GTF3C6: variants seen among roughly 807,000 people sequenced by gnomAD.
GTF3C6 encodes general transcription factor IIIC subunit 6, also known as general transcription factor 3C polypeptide 6.
GTF3C6 carries 11 observed loss-of-function variants against 19.2 expected under a neutral mutation model. The observed-to-expected ratio is 0.57, with a 90% CI of 0.36 to 0.95. The LOEUF (loss-of-function observed/expected upper bound fraction) is 0.95. Ranked by LOEUF, GTF3C6 falls within the 40% of genes least tolerant of loss-of-function variation. The pLI is 0.01. For missense variants in GTF3C6, 222 were observed against 254.7 expected, an observed-to-expected ratio of 0.87 and a Z score of 0.87; for synonymous variants, 87 against 84.2, an observed-to-expected ratio of 1.03 and a Z score of -0.18.
intron 2 of GTF3C6, among the ~76,000 whole-genome samples, 190 bp from the exon 3 acceptor site, chr6:110,960,224 G>A (rs1225816803): frequency 1.3e-5 from 2 of 152,176 alleles, no homozygotes; most frequent in Admixed American, 6.6e-5. Context: ...TGTTACTTGA[G>A]TATGAATTAA....
chr6:110,967,595 CGAA>C lies in GTF3C6; in HGVS notation c.452_454del (p.Glu151del), dbSNP rs771565146. On this transcript the variant is annotated inframe_deletion, in exon 6 of 6. Coordinates refer to ENST00000329970, the MANE Select transcript of GTF3C6 (RefSeq NM_138408.4). ...GTAACTTTCTACATGAAAATGAAGA[CGAA>C]GAAGTGGTAGCTTCAGCCCCAGATA... 7.4e-6 allele frequency: 12 copies of C among 1,613,822 alleles called. No homozygotes were observed. The East Asian group carries it at 2.2e-4, about 30-fold the overall frequency.
chr6:110,965,155 T>C (rs1315947108), intron 5 of GTF3C6, among the ~76,000 whole-genome samples: 1 of 128,962 alleles, frequency 7.8e-6, no homozygotes, highest in Admixed American at 7.6e-5. Context: ...TTTTTTTTTT[T>C]AAATAGAGAC....
intron 1 of GTF3C6, 116 bp from the exon 2 acceptor site, chr6:110,959,056 C>A: frequency 1.1e-6 from 1 of 889,984 alleles, no homozygotes; most frequent in Non-Finnish European, 1.9e-6. Context: ...GCGTAGTTTC[C>A]TCTTGCTGAA....
chr6:110,959,344 T>C, intron 2 of GTF3C6, 92 bp downstream of exon 2: 1 of 775,562 alleles, frequency 1.3e-6, no homozygotes, highest in South Asian at 1.5e-5. Flanking sequence ...AGTATTGATA[T>C]ATTTATTTCA....
intron 5 of GTF3C6, among the ~76,000 whole-genome samples, chr6:110,962,991 A>C (rs1771184175): frequency 6.6e-6 from 1 of 151,978 alleles, no homozygotes; most frequent in Non-Finnish European, 1.5e-5. Flanking sequence ...GTTGGCCAGG[A>C]TGCTCTCAAT....
intron 5 of GTF3C6, among the ~76,000 whole-genome samples, chr6:110,966,574 A>G (rs965446154): frequency 6.6e-6 from 1 of 152,196 alleles, no homozygotes; most frequent in Non-Finnish European, 1.5e-5. Flanking sequence ...GGTGAAGATC[A>G]TTGGGGACCA....
chr6:110,958,749 A>T lies in GTF3C6; in HGVS notation c.-21A>T. On this transcript the variant is annotated 5_prime_UTR_variant, in exon 1 of 6. Transcript: ENST00000329970. ...CCGGGCGGGCGTGGCCAGTGACTAG[A>T]AGGCGAGGCGCCGCGGGACCATGGC... 2 of 1,550,522 alleles carry T rather than the reference A, an allele frequency of 1.3e-6. No homozygotes were observed. The highest frequency in any genetic ancestry group is 1.7e-6 in the Non-Finnish European group (2 of 1,146,882).
chr6:110,962,937 G>A (rs1421716372), intron 5 of GTF3C6, among the ~76,000 whole-genome samples: 2 of 152,062 alleles, frequency 1.3e-5, no homozygotes, highest in Non-Finnish European at 2.9e-5. Context: ...CACCACCAGG[G>A]CCAGCTAATT....
chr6:110,962,904 G>A (rs1351446042), intron 5 of GTF3C6, among the ~76,000 whole-genome samples: 1 of 152,130 alleles, frequency 6.6e-6, no homozygotes, highest in Non-Finnish European at 1.5e-5. Context: ...TCAGCCTCCG[G>A]AGTAGCTGGG....
At chr6:110,960,375 A>G (rs753203798) in intron 2 of GTF3C6, 39 bp from the exon 3 acceptor site, 29 of 1,530,604 alleles carry the variant, frequency 1.9e-5, no homozygotes, top group Middle Eastern at 1.7e-4. Flanking sequence ...GCCTTTTTCT[A>G]ATTATGTTTT....
At chr6:110,964,161 G>GC (rs1270840565) in intron 5 of GTF3C6, among the ~76,000 whole-genome samples, 1 of 151,858 alleles carries the variant, frequency 6.6e-6, no homozygotes, top group African/African-American at 2.4e-5. Flanking sequence ...TGTGACCTCT[G>GC]CCCCCCATCC....
Position 110,967,640 on chromosome 6 carries a change from A to G in GTF3C6, c.492A>G (p.Glu164=), listed in dbSNP as rs538743742. Residue 164 remains glutamate (E), a synonymous_variant, in exon 6 of 6, where the codon GAA becomes GAG. Transcript: ENST00000329970. The part of the protein sequence containing the change: ...ASAPDKSLEL[E]EEEIQMNDSS... The stretch of plus-strand genomic sequence containing the variant: ...CCCCAGATAAATCTTTGGAATTGGA[A>G]GAGGAAGAGATTCAAATGAACGACA... 9.9e-6 allele frequency: 16 copies of G among 1,614,142 alleles called. No individual in the cohort carries two copies. In the East Asian group the frequency reaches 2.7e-4, roughly 27 times the overall value.
At chr6:110,966,651 G>C (rs9400434) in intron 5 of GTF3C6, among the ~76,000 whole-genome samples, 37,577 of 151,944 alleles carry the variant, frequency 0.25, 5,364 homozygotes, top group East Asian at 0.65. Context: ...AAGTGTGACC[G>C]TTACCTTCTA....
In GTF3C6 at chr6:110,958,793, G is replaced by C; in HGVS notation, c.24G>C (p.Arg8=). ...CCATGGCGGCGGCGGCGGACGAGCG[G>C]AGTCCAGAGGACGGAGAAGACGAGG... The part of the protein sequence containing the change: MAAAADE[R]SPEDGEDEEE... Residue 8 remains arginine (R), a synonymous_variant, in exon 1 of 6, where the codon CGG becomes CGC. Transcript: ENST00000329970. The C allele has an allele frequency of 6.4e-7, 1 of 1,551,148 alleles. No homozygotes were observed. The highest frequency in any genetic ancestry group is 1.2e-5 in the South Asian group (1 of 84,026).
chr6:110,964,901 C>G (rs9400433), intron 5 of GTF3C6, among the ~76,000 whole-genome samples: 1 of 149,296 alleles, frequency 6.7e-6, no homozygotes, highest in Non-Finnish European at 1.5e-5. Flanking sequence ...AGTGCGATCT[C>G]GGCTCACTGC....
At position 110,962,332 on chromosome 6, in the gene GTF3C6, T is replaced by C. The variant is rs1771171182; in HGVS notation, c.248-60T>C. On this transcript the variant is annotated intron_variant, in intron 4 of 5. Coordinates refer to ENST00000329970, the MANE Select transcript of GTF3C6 (RefSeq NM_138408.4). ...TCCCTACACTGGAATTACTAAGGCT[T>C]CATCTTTGTTTTATTTGATGGCATA... 6 of 870,988 alleles carry C rather than the reference T, an allele frequency of 6.9e-6. No individual in the cohort carries two copies. The South Asian group carries it at 8.7e-5, about 13-fold the overall frequency. 54.0% of individuals were successfully genotyped at this position (870,988 alleles called of 1,614,324 possible).
intron 4 of GTF3C6, 63 bp from the exon 5 acceptor site, chr6:110,962,329 G>C: frequency 1.2e-6 from 1 of 844,670 alleles, no homozygotes; most frequent in Non-Finnish European, 2.0e-6. Flanking sequence ...AATTACTAAG[G>C]CTTCATCTTT....
In GTF3C6 at chr6:110,962,309, C is replaced by T. The variant is rs868661699; in HGVS notation, c.248-83C>T. The T allele has an allele frequency of 5.6e-6, 4 of 715,376 alleles. No homozygotes were observed. The South Asian group carries it at 6.7e-5, about 12-fold the overall frequency. 44.3% of individuals were successfully genotyped at this position (715,376 alleles called of 1,614,324 possible). A position where few individuals can be genotyped will look rare whatever the true frequency, so the allele number is the denominator to read the frequency against. Reference sequence around the variant, plus strand: ...GACAGGAAGTAGTTTAATCTGACTCCCTACACTGGAATTACTAAGGCTTCA... The same window carrying T: ...GACAGGAAGTAGTTTAATCTGACTCTCTACACTGGAATTACTAAGGCTTCA... On this transcript the variant is annotated intron_variant, in intron 4 of 5. Transcript: ENST00000329970.
chr6:110,964,907 A>G (rs1771211390), intron 5 of GTF3C6, among the ~76,000 whole-genome samples: 1 of 149,116 alleles, frequency 6.7e-6, no homozygotes, highest in African/African-American at 2.5e-5. Flanking sequence ...ATCTCGGCTC[A>G]CTGCAACCTC....
Sources: allele counts gnomAD v4.1 joint callset (sites outside exome capture counted in the v4.1 genomes callset), GRCh38; gene constraint gnomAD v4.1.1; transcripts MANE v1.5; gene names NCBI Gene and HGNC (gene_info 2026-07-23, HGNC 2026-07-21).